Variants in SASH1 observed in about 807,000 individuals in gnomAD.
The protein encoded by SASH1 is SAM and SH3 domain containing 1.
SASH1 carries 44 observed loss-of-function variants against 125.2 expected under a neutral mutation model. The observed-to-expected ratio is 0.35, with a 90% CI of 0.28 to 0.45. The LOEUF (loss-of-function observed/expected upper bound fraction) is 0.45, where lower values mean the gene tolerates loss of function less well. SASH1 is among the 20% of genes least tolerant of loss of function. The probability of loss-of-function intolerance (pLI) is 1.00; values close to 1 mark genes in which losing one functional copy is unlikely to be tolerated. For synonymous variants in SASH1, 639 were observed against 649.1 expected (o/e 0.98, Z 0.24); for missense variants, 1,426 against 1,614.5 (o/e 0.88, Z 2.00).
intron 2 of SASH1, among the ~76,000 whole-genome samples, chr6:148,392,772 C>T (rs896594792): frequency 3.9e-5 from 6 of 152,192 alleles, no homozygotes; most frequent in African/African-American, 1.2e-4. Context: ...GCCATCACCA[C>T]GGGAGCCTGA....
intron 2 of SASH1, among the ~76,000 whole-genome samples, chr6:148,424,581 C>T (rs1308686499): frequency 6.6e-6 from 1 of 152,166 alleles, no homozygotes; most frequent in African/African-American, 2.4e-5. Context: ...TCATAACTCA[C>T]TGTAACCTCT....
chr6:148,320,999 C>T (rs6899797), intron 1 of SASH1, among the ~76,000 whole-genome samples: 6,318 of 152,282 alleles, frequency 0.041, 218 homozygotes, highest in South Asian at 0.14. Context: ...CTGCACTAAC[C>T]GTCCAGTCTC....
chr6:148,209,163 C>T, the SASH1 span, among the ~76,000 whole-genome samples: 1 of 152,192 alleles, frequency 6.6e-6, no homozygotes, highest in Admixed American at 6.5e-5. Context: ...TTATAAATCA[C>T]CTGAATTTTG....
At chr6:148,449,038 TGTGATAGAATACCCGAGACTGGCTAA>T (rs1490314113) in intron 4 of SASH1, among the ~76,000 whole-genome samples, 1 of 149,592 alleles carries the variant, frequency 6.7e-6, no homozygotes, top group Non-Finnish European at 1.5e-5. Context: ...TTTGTGTTGC[TGTGATAGAATACCCGAGACTGGCTAA>T]TTTCATTTCA....
intron 8 of SASH1, among the ~76,000 whole-genome samples, chr6:148,490,033 A>C (rs11756521): frequency 7.2e-6 from 1 of 138,902 alleles, no homozygotes; most frequent in Admixed American, 7.4e-5. Context: ...AAAAAAAAAA[A>C]CAAGAAAACA....
At chr6:148,513,686 C>A in intron 8 of SASH1, 3 of 985,622 alleles carry the variant, frequency 3.0e-6, no homozygotes, top group Non-Finnish European at 3.6e-6. Flanking sequence ...CAGCTTTTTC[C>A]CTTGTCTCTC....
chr6:148,531,477 C>T, intron 12 of SASH1, 49 bp from the exon 13 acceptor site: 1 of 1,407,904 alleles, frequency 7.1e-7, no homozygotes, highest in Non-Finnish European at 9.3e-7. Flanking sequence ...TACAAAACAA[C>T]ACCTGTCCAC....
Position 148,532,878 on chromosome 6 carries a change from C to T in SASH1, c.1646C>T (p.Pro549Leu), listed in dbSNP as rs139081709. Residue 549 changes from proline (P) to leucine (L), a missense_variant, in exon 14 of 20, where the codon CCG becomes CTG. Pro to Leu is a moderately conservative substitution (Grantham distance 98). Around this residue, in one of 3 missense-constraint regions of SASH1, gnomAD observed 225 missense variants for 344.5 expected, o/e 0.65. Transcript: ENST00000367467. This position sits in a 1 kb window ranked among gnomAD's most constrained non-coding sequence, Gnocchi z 4.7. ...TCGGAAGATGGGGATGACGAAGAGC[C>T]GCCTTACCGAGGCCCGTTCTGCGGG... ...VKSEDGDDEE[P>L]PYRGPFCGRA... 119 of 1,614,204 alleles carry T rather than the reference C, an allele frequency of 7.4e-5. No homozygotes were observed. The highest frequency in any genetic ancestry group is 4.9e-4 in the African/African-American group (37 of 75,058).
chr6:148,418,802 G>T (rs1412322194), intron 2 of SASH1, among the ~76,000 whole-genome samples: 1 of 146,612 alleles, frequency 6.8e-6, no homozygotes, highest in Non-Finnish European at 1.5e-5. Context: ...AGGCCCAGGA[G>T]GAGGCAGCAT....
At chr6:148,203,794 C>T in the SASH1 span, among the ~76,000 whole-genome samples, 3 of 152,168 alleles carry the variant, frequency 2.0e-5, no homozygotes, top group Admixed American at 6.5e-5. Flanking sequence ...TCACCAGAAA[C>T]CTACATAGCA....
chr6:148,291,385 A>T (rs1779628475), intron 1 of SASH1, among the ~76,000 whole-genome samples: 1 of 152,326 alleles, frequency 6.6e-6, no homozygotes, highest in South Asian at 2.1e-4. Flanking sequence ...AATAGCTTTT[A>T]AAAAGTGCAG....
chr6:148,334,140 C>T (rs1781077120), intron 1 of SASH1, among the ~76,000 whole-genome samples: 1 of 4,010 alleles, frequency 2.5e-4, no homozygotes, highest in African/African-American at 1.1e-3. Flanking sequence ...GAGATAATAG[C>T]AGGCCGGGCG....
intron 5 of SASH1, among the ~76,000 whole-genome samples, chr6:148,470,250 G>A (rs6906703): frequency 0.04 from 6,115 of 152,182 alleles, 445 homozygotes; most frequent in African/African-American, 0.14. Context: ...CCACAGCTCT[G>A]GGGGCTGTCA....
At chr6:148,515,604 TC>T (rs34567058) in intron 9 of SASH1, among the ~76,000 whole-genome samples, 14 of 152,156 alleles carry the variant, frequency 9.2e-5, no homozygotes, top group African/African-American at 3.4e-4. Context: ...TGTTTTCAGT[TC>T]CGGGGTTTCA....
chr6:148,398,326 G>T (rs143343806), intron 2 of SASH1, among the ~76,000 whole-genome samples: 1 of 152,196 alleles, frequency 6.6e-6, no homozygotes, highest in Non-Finnish European at 1.5e-5. Flanking sequence ...GTGGCTTCAC[G>T]CAGACATGCG....
chr6:148,273,089 G>C (rs979961446), intron 1 of SASH1, among the ~76,000 whole-genome samples: 1 of 151,900 alleles, frequency 6.6e-6, no homozygotes, highest in Non-Finnish European at 1.5e-5. Context: ...GCGAAACACT[G>C]TCTCTACAAA....
At chr6:148,479,264 G>A (rs1778508497) in intron 7 of SASH1, 1 of 152,690 alleles carries the variant, frequency 6.5e-6, no homozygotes, top group Non-Finnish European at 1.5e-5. Flanking sequence ...GGCCAGTGTG[G>A]TCTCAAACTC....
intron 8 of SASH1, among the ~76,000 whole-genome samples, chr6:148,512,053 C>T (rs1031447500): frequency 3.5e-5 from 5 of 142,356 alleles, no homozygotes; most frequent in African/African-American, 1.3e-4. Context: ...GAGTCTCGCT[C>T]TGTCGCCCAG....
At chr6:148,261,365 C>A in the SASH1 span, among the ~76,000 whole-genome samples, 7 of 152,130 alleles carry the variant, frequency 4.6e-5, 1 homozygote, top group Admixed American at 2.0e-4. Flanking sequence ...ATGTCCTTGC[C>A]TTTCTCCTAC....
Sources: allele counts gnomAD v4.1 joint callset (sites outside exome capture counted in the v4.1 genomes callset), GRCh38; gene constraint gnomAD v4.1.1; regional missense constraint gnomAD v4.1.1; non-coding constraint Gnocchi (gnomAD v3.1); transcripts MANE v1.5; gene names NCBI Gene and HGNC (gene_info 2026-07-23, HGNC 2026-07-21).